STARD13: variants seen among roughly 807,000 people sequenced by gnomAD.
The protein encoded by STARD13 is stAR-related lipid transfer protein 13.
A neutral mutation model predicts 106.4 loss-of-function variants in STARD13; 62 were observed. The ratio of observed to expected loss-of-function variants is 0.58; its 90% CI spans 0.48 to 0.72. The LOEUF is 0.72. Ranked by LOEUF, STARD13 falls within the 30% of genes least tolerant of loss-of-function variation. STARD13 has a pLI of 0.00. For synonymous variants in STARD13, 565 were observed against 553.0 expected, an observed-to-expected ratio of 1.02 and a Z score of -0.31; for missense variants, 1,387 against 1,424.0, an observed-to-expected ratio of 0.97 and a Z score of 0.42.
rs200044446 is a variant in STARD13, at chr13:33,349,128, T to C, written c.*21A>G. On this transcript the variant is annotated 3_prime_UTR_variant, in exon 2 of 2. Transcript: ENST00000439831. ...TAAATCTCCCGCTTCACCAGTGGTG[T>C]CCTTTCCTTCTTTCTAGGCATCAGA... 3 of 702,266 alleles carry C rather than the reference T, an allele frequency of 4.3e-6. No homozygotes were observed. The Admixed American group carries it at 6.0e-5, about 14-fold the overall frequency. The allele number at this position is 702,266 out of a possible 1,614,324, so 43.5% of individuals were successfully genotyped here.
the STARD13 span, among the ~76,000 whole-genome samples, chr13:33,385,635 G>T: frequency 6.6e-6 from 1 of 151,540 alleles, no homozygotes; most frequent in Non-Finnish European, 1.5e-5. Context: ...CGAGGAGGGC[G>T]GATCACCTGA....
chr13:33,495,625 T>G, the STARD13 span, among the ~76,000 whole-genome samples: 1 of 151,956 alleles, frequency 6.6e-6, no homozygotes, highest in African/African-American at 2.4e-5. Context: ...TGTATATATT[T>G]TCTTTGAATA....
the STARD13 span, among the ~76,000 whole-genome samples, chr13:33,485,521 A>G: frequency 6.6e-6 from 1 of 152,190 alleles, no homozygotes; most frequent in Non-Finnish European, 1.5e-5. Flanking sequence ...ATTATAAAGT[A>G]ATTTCCAGCC....
chr13:33,579,516 T>C, the STARD13 span, among the ~76,000 whole-genome samples: 1 of 151,890 alleles, frequency 6.6e-6, no homozygotes, highest in African/African-American at 2.4e-5. Flanking sequence ...TAAAAAACTA[T>C]ATATTGAGTA....
chr13:33,430,067 G>A, the STARD13 span, among the ~76,000 whole-genome samples: 828 of 151,994 alleles, frequency 5.4e-3, 29 homozygotes, highest in Admixed American at 0.043. Context: ...ACAGGCGCCC[G>A]CCACCACGCC....
the STARD13 span, among the ~76,000 whole-genome samples, chr13:33,645,344 A>G: frequency 6.6e-6 from 1 of 152,206 alleles, no homozygotes; most frequent in East Asian, 1.9e-4. Context: ...CAGTGAGGCC[A>G]TCTTAGACAA....
At chr13:33,343,320 A>C (rs969537609) in intron 1 of STARD13, among the ~76,000 whole-genome samples, 4 of 151,540 alleles carry the variant, frequency 2.6e-5, no homozygotes, top group Non-Finnish European at 5.9e-5. Context: ...CATGCCTATC[A>C]TCCCAGCACC....
chr13:33,622,797 G>A, the STARD13 span, among the ~76,000 whole-genome samples: 39 of 151,932 alleles, frequency 2.6e-4, no homozygotes, highest in South Asian at 6.4e-3. Flanking sequence ...GCGCATGCCT[G>A]TAGTCCCAGC....
At chr13:33,152,085 G>A (rs181298925) in intron 3 of STARD13, among the ~76,000 whole-genome samples, 12 of 152,308 alleles carry the variant, frequency 7.9e-5, no homozygotes, top group Admixed American at 5.2e-4. Flanking sequence ...AGACCCACTT[G>A]GGAATGGTCC....
At chr13:33,650,244 G>A in the STARD13 span, among the ~76,000 whole-genome samples, 2 of 124,044 alleles carry the variant, frequency 1.6e-5, no homozygotes, top group African/African-American at 3.4e-5. Flanking sequence ...AGCCTGGAGT[G>A]CAGTGGCGCG....
At chr13:33,551,568 CCT>C in the STARD13 span, among the ~76,000 whole-genome samples, 43 of 44,794 alleles carry the variant, frequency 9.6e-4, 16 homozygotes, top group South Asian at 1.9e-3. Context: ...TTTGCTTTTC[CCT>C]TTTTTTTTTT....
At chr13:33,442,352 A>T in the STARD13 span, among the ~76,000 whole-genome samples, 9 of 152,224 alleles carry the variant, frequency 5.9e-5, no homozygotes, top group South Asian at 1.7e-3. Context: ...TCATACATTA[A>T]TAATAATAAT....
At position 33,118,695 on chromosome 13, in the gene STARD13, G is replaced by A. The variant is rs75513127; in HGVS notation, c.2083-432C>T. Among the ~76,000 whole-genome samples, 875 of 152,270 alleles carry A rather than the reference G, an allele frequency of 5.7e-3. 10 individuals are homozygous for A. Among genetic ancestry groups the A allele is most frequent in the African/African-American group, 0.019 (802 of 41,552 alleles). On this transcript the variant is annotated intron_variant, in intron 7 of 13. Transcript: ENST00000336934. ...ACATTGCCATGGGGATTTTGAGAAC[G>A]TCTGGTCAATGGGAGGTTTGGTGAA...
the STARD13 span, among the ~76,000 whole-genome samples, chr13:33,458,818 T>A: frequency 6.9e-6 from 1 of 145,854 alleles, no homozygotes; most frequent in African/African-American, 2.6e-5. Context: ...ATGTTTACTT[T>A]TTTTTTTTTT....
the STARD13 span, among the ~76,000 whole-genome samples, chr13:33,519,262 T>C: frequency 6.7e-6 from 1 of 149,618 alleles, no homozygotes; most frequent in Non-Finnish European, 1.5e-5. Context: ...CTTTCTTTCT[T>C]TCTTTCTTTC....
intron 1 of STARD13, among the ~76,000 whole-genome samples, chr13:33,262,030 C>T (rs1252494310): frequency 6.6e-6 from 1 of 152,154 alleles, no homozygotes; most frequent in African/African-American, 2.4e-5. Flanking sequence ...GGATTGTGTT[C>T]ATCCTCCCTC....
At chr13:33,332,869 G>A (rs2138565014) in intron 1 of STARD13, among the ~76,000 whole-genome samples, 1 of 152,280 alleles carries the variant, frequency 6.6e-6, no homozygotes, top group African/African-American at 2.4e-5. Flanking sequence ...AATCCTCAGT[G>A]CTGTGAGTGT....
At chr13:33,280,275 T>G (rs1316047601) in intron 1 of STARD13, 1 of 152,232 alleles carries the variant, frequency 6.6e-6, no homozygotes. Context: ...ACATCACTCA[T>G]GCCCACTGGC....
intron 1 of STARD13, among the ~76,000 whole-genome samples, chr13:33,329,940 G>T (rs2077818265): frequency 6.6e-6 from 1 of 152,290 alleles, no homozygotes. Flanking sequence ...CTAACCTCAA[G>T]TGATCCGCCC....
Sources: gnomAD v4.1 joint callset for allele counts (sites outside exome capture counted in the v4.1 genomes callset) on GRCh38, gnomAD v4.1.1 for gene constraint, MANE v1.5 for transcripts, NCBI Gene and HGNC (gene_info 2026-07-23, HGNC 2026-07-21) for gene names.